The following AK5 variants were observed in gnomAD, a reference collection of about 807,000 sequenced individuals.
The protein encoded by AK5 is adenylate kinase isoenzyme 5.
Under a neutral mutation model 69.5 loss-of-function variants are expected in AK5, and 27 were observed. That is an observed-to-expected ratio of 0.39 (90% confidence interval 0.29 to 0.54). AK5 has a LOEUF of 0.54. Ranked by LOEUF, AK5 falls within the 20% of genes least tolerant of loss-of-function variation. AK5 has a pLI of 0.71. For missense variants in AK5, 531 were observed against 700.4 expected (o/e 0.76, Z 2.73); for synonymous variants, 260 against 244.4 (o/e 1.06, Z -0.60).
At chr1:77,317,942 A>G (rs908733959) in intron 5 of AK5, among the ~76,000 whole-genome samples, 2 of 152,216 alleles carry the variant, frequency 1.3e-5, no homozygotes, top group Non-Finnish European at 2.9e-5. Context: ...ATTAGCATGC[A>G]AACTTTAGTC....
intron 12 of AK5, among the ~76,000 whole-genome samples, chr1:77,525,558 C>T (rs1658226551): frequency 6.6e-6 from 1 of 152,124 alleles, no homozygotes; most frequent in African/African-American, 2.4e-5. Context: ...TTTCTATAAT[C>T]ACATCTTCCA....
intron 8 of AK5, among the ~76,000 whole-genome samples, chr1:77,425,410 A>G (rs1651133547): frequency 6.6e-6 from 1 of 152,082 alleles, no homozygotes; most frequent in African/African-American, 2.4e-5. Context: ...ACATGGTGAA[A>G]CCCCATCTCT....
Position 77,371,488 on chromosome 1 carries a change from A to C in AK5, c.891+30920A>C, listed in dbSNP as rs564178270. 2.0e-5 allele frequency: 3 copies of C among 152,376 alleles called. No individual in the cohort carries two copies. The East Asian group carries it at 5.8e-4, about 29-fold the overall frequency. The allele number at this position is 152,376 out of a possible 1,614,324, so 9.4% of individuals were successfully genotyped here. Reference sequence around the variant, plus strand: ...TGCTGGTAAGTCCTTCCCTATCTTGAGTACCTTAATCTGGTTAATTTTTTT... The same window carrying C: ...TGCTGGTAAGTCCTTCCCTATCTTGCGTACCTTAATCTGGTTAATTTTTTT... On this transcript the variant is annotated intron_variant, in intron 6 of 13. Transcript: ENST00000354567.
At chr1:77,412,600 G>T (rs1254791330) in intron 7 of AK5, among the ~76,000 whole-genome samples, 2 of 152,134 alleles carry the variant, frequency 1.3e-5, no homozygotes, top group African/African-American at 2.4e-5. Flanking sequence ...GGAAACTGTC[G>T]CTGTTAAGGA....
At chr1:77,297,500 A>G in intron 3 of AK5, 59 bp from the exon 4 acceptor site, 4 of 1,476,784 alleles carry the variant, frequency 2.7e-6, no homozygotes, top group Middle Eastern at 1.8e-4. Flanking sequence ...TAGTAGTTGT[A>G]TAAAAGGGAG....
At chr1:77,427,725 A>T (rs1651308160) in intron 8 of AK5, among the ~76,000 whole-genome samples, 1 of 152,222 alleles carries the variant, frequency 6.6e-6, no homozygotes, top group African/African-American at 2.4e-5. Flanking sequence ...CAACATATGT[A>T]AAAAGCCTAC....
At chr1:77,330,511 C>T (rs1282373498) in intron 5 of AK5, among the ~76,000 whole-genome samples, 1 of 152,190 alleles carries the variant, frequency 6.6e-6, no homozygotes, top group African/African-American at 2.4e-5. Flanking sequence ...CTTTTCCCTA[C>T]TGCATTGCAG....
chr1:77,455,759 A>C (rs1653444222), intron 8 of AK5, among the ~76,000 whole-genome samples: 1 of 151,708 alleles, frequency 6.6e-6, no homozygotes, highest in Non-Finnish European at 1.5e-5. Context: ...GAGCTGTAAA[A>C]CCTCCCCACG....
intron 10 of AK5, among the ~76,000 whole-genome samples, chr1:77,489,289 C>T (rs1655828585): frequency 6.6e-6 from 1 of 152,188 alleles, no homozygotes; most frequent in Non-Finnish European, 1.5e-5. Flanking sequence ...ACAAAACTCT[C>T]CTGTATTTCA....
chr1:77,398,351 TG>T (rs777333479), intron 6 of AK5, among the ~76,000 whole-genome samples: 2 of 152,194 alleles, frequency 1.3e-5, no homozygotes, highest in South Asian at 2.1e-4. Context: ...TTAAAGAGAA[TG>T]GAGCCTGTAA....
chr1:77,367,620 T>TTATATATGTAA (rs1646991518), intron 6 of AK5, among the ~76,000 whole-genome samples: 1 of 69,954 alleles, frequency 1.4e-5, no homozygotes, highest in Non-Finnish European at 2.5e-5. Context: ...AATATATATG[T>TTATATATGTAA]TATATATGTA....
chr1:77,461,303 G>T (rs959201635), intron 8 of AK5, among the ~76,000 whole-genome samples: 6 of 151,554 alleles, frequency 4.0e-5, no homozygotes, highest in African/African-American at 1.5e-4. Context: ...AAAGTGCTGG[G>T]ATTACAGGCG....
At chr1:77,493,550 C>T (rs926694947) in intron 10 of AK5, among the ~76,000 whole-genome samples, 4 of 152,132 alleles carry the variant, frequency 2.6e-5, no homozygotes, top group African/African-American at 9.7e-5. Context: ...AGAACCCTGA[C>T]ACATACAGCT....
At chr1:77,483,259 A>G (rs1655382079) in intron 8 of AK5, 58 bp from the exon 9 acceptor site, 2 of 1,317,592 alleles carry the variant, frequency 1.5e-6, no homozygotes, top group Non-Finnish European at 2.2e-6. Context: ...AGTGTTGCCA[A>G]GGAGTTCAGC....
At chr1:77,315,711 C>A (rs906889897) in intron 5 of AK5, among the ~76,000 whole-genome samples, 2 of 152,146 alleles carry the variant, frequency 1.3e-5, no homozygotes, top group African/African-American at 4.8e-5. Flanking sequence ...GTGACTGATA[C>A]AGTGGGCGCC....
chr1:77,322,815 A>G (rs1360854228), intron 5 of AK5, among the ~76,000 whole-genome samples: 2 of 152,174 alleles, frequency 1.3e-5, no homozygotes, highest in East Asian at 3.8e-4. Flanking sequence ...GATTCAGAAG[A>G]TCCTGTCTGA....
chr1:77,516,256 A>G (rs1008964641), intron 10 of AK5, among the ~76,000 whole-genome samples: 18 of 152,216 alleles, frequency 1.2e-4, no homozygotes, highest in African/African-American at 4.3e-4. Flanking sequence ...ACGTGGAATC[A>G]TAAAAAGTCA....
chr1:77,305,414 C>A (rs567510287), intron 5 of AK5, among the ~76,000 whole-genome samples: 32 of 152,244 alleles, frequency 2.1e-4, no homozygotes, highest in African/African-American at 7.7e-4. Context: ...TTTGCCCAGA[C>A]CAATGTCCTG....
intron 8 of AK5, among the ~76,000 whole-genome samples, chr1:77,475,540 A>G (rs1373400623): frequency 9.3e-6 from 1 of 107,090 alleles, no homozygotes; most frequent in Non-Finnish European, 1.8e-5. Context: ...ATATACAAAT[A>G]TATATTATAT....
Sources: gnomAD v4.1 joint callset for allele counts (sites outside exome capture counted in the v4.1 genomes callset) on GRCh38, gnomAD v4.1.1 for gene constraint, MANE v1.5 for transcripts, NCBI Gene and HGNC (gene_info 2026-07-23, HGNC 2026-07-21) for gene names.